Variants in SV2C observed in about 807,000 individuals in gnomAD.
SV2C encodes solute carrier family 22 member B3.
Under a neutral mutation model 79.7 loss-of-function variants are expected in SV2C, and 49 were observed. The observed-to-expected ratio is 0.61, with a 90% CI of 0.49 to 0.78. The LOEUF (loss-of-function observed/expected upper bound fraction) is 0.78. Among genes scored for constraint, SV2C ranks in the 30% least tolerant of loss-of-function variants. SV2C has a pLI of 0.00. For synonymous variants in SV2C, 334 were observed against 333.2 expected, an observed-to-expected ratio of 1.00 and a Z score of -0.03; for missense variants, 833 against 912.9, an observed-to-expected ratio of 0.91 and a Z score of 1.13.
At chr5:76,238,020 TCACACATACACACACACA>T (rs1745664105) in intron 4 of SV2C, among the ~76,000 whole-genome samples, 1 of 85,202 alleles carries the variant, frequency 1.2e-5, no homozygotes, top group Non-Finnish European at 2.6e-5. Context: ...ATACACACAA[TCACACATACACACACACA>T]CACACACACA....
chr5:76,159,834 C>A (rs1237385539), intron 2 of SV2C, among the ~76,000 whole-genome samples: 3 of 152,054 alleles, frequency 2.0e-5, no homozygotes, highest in Non-Finnish European at 2.9e-5. Flanking sequence ...AATACTCCAA[C>A]ATATCTTTTT....
intron 4 of SV2C, among the ~76,000 whole-genome samples, chr5:76,246,117 C>T (rs1237185000): frequency 1.3e-5 from 2 of 152,026 alleles, no homozygotes; most frequent in Admixed American, 1.3e-4. Context: ...GTGATTTCAT[C>T]CTGAGGACTC....
intron 2 of SV2C, among the ~76,000 whole-genome samples, chr5:76,180,284 A>T (rs1743679862): frequency 6.6e-6 from 1 of 152,232 alleles, no homozygotes; most frequent in Admixed American, 6.5e-5. Flanking sequence ...TATAAAGGAG[A>T]CTTTTCTGGA....
the SV2C span, among the ~76,000 whole-genome samples, chr5:76,017,750 G>GGAAAGCTAAAATCCACCTC: frequency 9.2e-5 from 14 of 152,120 alleles, no homozygotes; most frequent in Non-Finnish European, 1.9e-4. Flanking sequence ...AGAGGATAGG[G>GGAAAGCTAAAATCCACCTC]GAAAGCTAAA....
rs199900865 is a variant in SV2C, at chr5:76,121,931, A to G, written c.-101-9719A>G. Among the ~76,000 whole-genome samples, 256 of 151,706 alleles carry G rather than the reference A, an allele frequency of 1.7e-3. 7 individuals are homozygous for G. The East Asian group carries it at 0.048, about 28-fold the overall frequency. On this transcript the variant is annotated intron_variant, in intron 1 of 12. Coordinates refer to ENST00000502798, the MANE Select transcript of SV2C (RefSeq NM_014979.4). Reference sequence around the variant, plus strand: ...GAAAGACATTGGTAGCTTGATGGGGATGGCATTGAATCTATAAATTACCTT... The same window carrying G: ...GAAAGACATTGGTAGCTTGATGGGGGTGGCATTGAATCTATAAATTACCTT...
Position 76,132,303 on chromosome 5 carries a change from A to C in SV2C, c.553A>C (p.Ile185Leu). 6.2e-7 allele frequency: 1 copy of C among 1,612,304 alleles called. No homozygotes were observed. The highest frequency in any genetic ancestry group is 8.5e-7 in the Non-Finnish European group (1 of 1,178,800). The stretch of plus-strand genomic sequence containing the variant: ...ACCCAGTGCTGAGACAGACCTCTGC[A>C]TCCCAAATTCAGGATCTGGATGGCT... Reference protein sequence around the residue: ...VLPSAETDLCIPNSGSGWLGS... With the variant: ...VLPSAETDLCLPNSGSGWLGS... Residue 185 changes from isoleucine to leucine, a missense_variant, in exon 2 of 13, where the codon ATC (isoleucine) becomes CTC (leucine). Ile to Leu is a conservative substitution (Grantham distance 5). Transcript: ENST00000502798.
chr5:76,313,141 T>C (rs1203083221), intron 12 of SV2C, among the ~76,000 whole-genome samples: 1 of 152,246 alleles, frequency 6.6e-6, no homozygotes, highest in Non-Finnish European at 1.5e-5. Context: ...TCTAGAATTC[T>C]CTTCACTGTC....
chr5:76,130,145 TAAAAAAAAAAAAAAAAAAAAAA>T (rs375351450), intron 1 of SV2C, among the ~76,000 whole-genome samples: 1 of 67,832 alleles, frequency 1.5e-5, no homozygotes, highest in Admixed American at 2.1e-4. Flanking sequence ...TCTCAGTTCT[TAAAAAAAAAAAAAAAAAAAAAA>T]AAAAAAAAAA....
At chr5:76,248,600 C>G (rs975152034) in intron 4 of SV2C, among the ~76,000 whole-genome samples, 1 of 151,812 alleles carries the variant, frequency 6.6e-6, no homozygotes, top group South Asian at 2.1e-4. Context: ...GCCCAGTGCC[C>G]TGCACATAGT....
Position 76,202,406 on chromosome 5 carries a change from C to T in SV2C, c.761+7307C>T. ...GAGAGGTTAAGTTCCTATCTGAGGT[C>T]ACACAATAAGTAATGTAATCAGGTT... On this transcript the variant is annotated intron_variant, in intron 3 of 12. Transcript: ENST00000502798. 1.3e-5 allele frequency among the ~76,000 whole-genome samples: 2 copies of T among 152,136 alleles called. 1 individual carries two copies. The highest frequency in any genetic ancestry group is 3.9e-4 in the East Asian group (2 of 5,190).
the SV2C span, among the ~76,000 whole-genome samples, chr5:75,981,614 G>T: frequency 6.6e-6 from 1 of 152,172 alleles, no homozygotes; most frequent in East Asian, 1.9e-4. Flanking sequence ...CAAGCAATGG[G>T]GAAAGGACTC....
chr5:76,219,447 T>C (rs1207266463), intron 4 of SV2C, among the ~76,000 whole-genome samples: 2 of 152,200 alleles, frequency 1.3e-5, no homozygotes, highest in Non-Finnish European at 2.9e-5. Flanking sequence ...AAAAAGTAGA[T>C]GTGAAATTTT....
chr5:76,348,952 C>A (rs932128606), intron 12 of SV2C, among the ~76,000 whole-genome samples: 4 of 152,046 alleles, frequency 2.6e-5, no homozygotes, highest in African/African-American at 9.7e-5. Flanking sequence ...CGAGCCGAGA[C>A]CATACCACTG....
intron 12 of SV2C, among the ~76,000 whole-genome samples, chr5:76,308,434 T>C (rs1278024353): frequency 1.3e-5 from 2 of 152,228 alleles, no homozygotes; most frequent in African/African-American, 2.4e-5. Context: ...ACAGGTCTTC[T>C]TAGTTTCACA....
the SV2C span, among the ~76,000 whole-genome samples, chr5:75,889,924 C>T: frequency 5.9e-5 from 9 of 151,990 alleles, no homozygotes; most frequent in Admixed American, 3.9e-4. Context: ...ACAGGTGATT[C>T]GAATGTATAG....
the SV2C span, among the ~76,000 whole-genome samples, chr5:75,957,013 C>G: frequency 9.9e-5 from 15 of 151,930 alleles, no homozygotes. Flanking sequence ...GGCCCAAGTC[C>G]ATGTCACATA....
chr5:76,164,399 C>T (rs985554340), intron 2 of SV2C, among the ~76,000 whole-genome samples: 9 of 152,274 alleles, frequency 5.9e-5, no homozygotes, highest in Middle Eastern at 3.4e-3. Context: ...AAGAAATTTA[C>T]GAGCTCCACA....
At chr5:76,209,691 G>A (rs1580355327) in intron 3 of SV2C, 45 bp from the exon 4 acceptor site, 1 of 1,582,516 alleles carries the variant, frequency 6.3e-7, no homozygotes, top group Non-Finnish European at 8.6e-7. Flanking sequence ...TCTCACATGA[G>A]CTGTCCACAC....
Position 76,285,157 on chromosome 5 carries a change from TCCAGGG to T in SV2C, c.914-4_915del. ...TCCCTCACTCTCCGTGTCCTCCTTT[TCCAGGG>T]TGGAGCTTCAGCATGGGATCGGCCT... On this transcript the variant is annotated splice_acceptor_variant and splice_polypyrimidine_tract_variant and coding_sequence_variant and intron_variant, in exon 5 of 13. Coordinates refer to ENST00000502798, the MANE Select transcript of SV2C (RefSeq NM_014979.4). LOFTEE classifies it high-confidence loss of function. 1.2e-6 allele frequency: 2 copies of T among 1,613,978 alleles called. No homozygotes were observed. The highest frequency in any genetic ancestry group is 1.6e-4 in the Middle Eastern group (1 of 6,062).
Sources: allele counts gnomAD v4.1 joint callset (sites outside exome capture counted in the v4.1 genomes callset), GRCh38; gene constraint gnomAD v4.1.1; transcripts MANE v1.5; gene names NCBI Gene and HGNC (gene_info 2026-07-23, HGNC 2026-07-21).